The following DOCK2 variants were observed in gnomAD, a reference collection of about 807,000 sequenced individuals.
DOCK2 encodes the protein dedicator of cytokinesis 2.
DOCK2 carries 87 observed loss-of-function variants against 248.9 expected under a neutral mutation model. The observed-to-expected ratio is 0.35, with a 90% CI of 0.29 to 0.42. The LOEUF (loss-of-function observed/expected upper bound fraction) is 0.42, where lower values mean the gene tolerates loss of function less well. DOCK2 is among the 10% of genes least tolerant of loss of function. DOCK2 has a pLI of 1.00. For missense variants in DOCK2, 1,747 were observed against 2,300.2 expected, an observed-to-expected ratio of 0.76 and a Z score of 4.92; for synonymous variants, 805 against 821.6, an observed-to-expected ratio of 0.98 and a Z score of 0.35.
At chr5:169,818,224 C>A (rs900451092) in intron 26 of DOCK2, among the ~76,000 whole-genome samples, 15 of 152,170 alleles carry the variant, frequency 9.9e-5, no homozygotes, top group Admixed American at 8.5e-4. Flanking sequence ...CTTCACCTTA[C>A]CTGACAATCA....
chr5:169,681,983 C>A, intron 7 of DOCK2, 104 bp downstream of exon 7: 1 of 1,489,162 alleles, frequency 6.7e-7, no homozygotes, highest in South Asian at 1.3e-5. Context: ...ATTCAAGGGG[C>A]ATCTGTCTAT....
intron 27 of DOCK2, among the ~76,000 whole-genome samples, chr5:169,952,418 T>C (rs1776699120): frequency 6.6e-6 from 1 of 152,052 alleles, no homozygotes; most frequent in Non-Finnish European, 1.5e-5. Flanking sequence ...GGCTCCCCTT[T>C]AAGTAAAGGA....
intron 7 of DOCK2, among the ~76,000 whole-genome samples, chr5:169,683,253 G>T (rs1266262762): frequency 1.3e-5 from 2 of 151,906 alleles, no homozygotes; most frequent in Non-Finnish European, 2.9e-5. Flanking sequence ...TTTGAGACAG[G>T]GTCTCTCACT....
At chr5:169,981,218 A>G (rs184527674) in intron 27 of DOCK2, among the ~76,000 whole-genome samples, 144 of 152,366 alleles carry the variant, frequency 9.5e-4, no homozygotes, top group African/African-American at 3.2e-3. Flanking sequence ...ATGAAAATCC[A>G]TATCATGGGA....
At chr5:169,690,527 G>GAAT (rs1228360565) in intron 9 of DOCK2, among the ~76,000 whole-genome samples, 1 of 152,206 alleles carries the variant, frequency 6.6e-6, no homozygotes, top group Non-Finnish European at 1.5e-5. Context: ...CAGAGGCATG[G>GAAT]AATGGGATCA....
intron 47 of DOCK2, among the ~76,000 whole-genome samples, chr5:170,076,688 A>G (rs1407183342): frequency 6.6e-6 from 1 of 152,236 alleles, no homozygotes; most frequent in African/African-American, 2.4e-5. Context: ...CTTTAAAACC[A>G]TCTGGTCCAG....
In DOCK2 at chr5:170,027,948, T is replaced by C. The variant is rs778193399; in HGVS notation, c.3467T>C (p.Ile1156Thr). The change falls in exon 34 of 52, where the codon ATC becomes ACC. Residue 1156 changes from isoleucine to threonine, a missense_variant and splice_region_variant. Transcript: ENST00000520908. ...DEQYMQLLES[I>T]LMECAAEHPT... ...CAGTACATGCAGCTCCTGGAGTCAA[T>C]GTAAGTTCAGTGCCCTGTGTGTAGG... The C allele has an allele frequency of 1.9e-6, 3 of 1,611,732 alleles. No individual in the cohort carries two copies. The highest frequency in any genetic ancestry group is 1.7e-4 in the Middle Eastern group (1 of 6,042).
rs768442577 is a variant in DOCK2, at chr5:169,654,503, C to T, written c.127+17C>T. On this transcript the variant is annotated intron_variant, in intron 2 of 51. Coordinates refer to ENST00000520908, the MANE Select transcript of DOCK2 (RefSeq NM_004946.3). ...CGTGTGGAGGTGAGTCACTGGCCCA[C>T]GCCCCAAGTGCTGGACCCTTGGCTG... The T allele has an allele frequency of 2.4e-5, 38 of 1,613,838 alleles. No individual in the cohort carries two copies. Among genetic ancestry groups the T allele is most frequent in the South Asian group, 2.3e-4 (21 of 91,068 alleles).
At chr5:169,997,320 A>C (rs1369083992) in intron 30 of DOCK2, among the ~76,000 whole-genome samples, 1 of 138,488 alleles carries the variant, frequency 7.2e-6, no homozygotes, top group Non-Finnish European at 1.5e-5. Flanking sequence ...ATACCGAGAC[A>C]TTCCATTGCC....
chr5:169,859,695 C>T (rs72841200), intron 27 of DOCK2, among the ~76,000 whole-genome samples: 14,410 of 152,234 alleles, frequency 0.095, 827 homozygotes, highest in Admixed American at 0.17. Flanking sequence ...ACCCACCAAC[C>T]ACATTGCTCC....
intron 15 of DOCK2, among the ~76,000 whole-genome samples, chr5:169,710,274 G>A (rs967196473): frequency 1.3e-5 from 2 of 152,172 alleles, no homozygotes; most frequent in Non-Finnish European, 2.9e-5. Flanking sequence ...CCAGGTGGGT[G>A]AGCACCCTGG....
chr5:170,036,449 C>A, intron 35 of DOCK2, 66 bp from the exon 36 acceptor site: 2 of 1,527,286 alleles, frequency 1.3e-6, no homozygotes, highest in South Asian at 1.2e-5. Flanking sequence ...TCTTCATCAC[C>A]ACACCCTTGA....
At chr5:169,981,861 A>G (rs1247020100) in intron 27 of DOCK2, among the ~76,000 whole-genome samples, 2 of 152,226 alleles carry the variant, frequency 1.3e-5, no homozygotes, top group Non-Finnish European at 2.9e-5. Context: ...ATAGACTACA[A>G]TAGAGTGTTA....
intron 27 of DOCK2, chr5:169,884,063 G>T: frequency 1.9e-6 from 1 of 529,638 alleles, no homozygotes; most frequent in Non-Finnish European, 3.2e-6. Flanking sequence ...GCCATTCCCA[G>T]CCTCTAGAGT....
At chr5:169,725,365 A>G (rs545774635) in intron 22 of DOCK2, among the ~76,000 whole-genome samples, 2 of 152,334 alleles carry the variant, frequency 1.3e-5, no homozygotes, top group Non-Finnish European at 2.9e-5. Flanking sequence ...TTGCTGCAGT[A>G]CTCAGGGAAA....
chr5:169,945,705 C>G (rs920018137), intron 27 of DOCK2, among the ~76,000 whole-genome samples: 1 of 152,132 alleles, frequency 6.6e-6, no homozygotes, highest in African/African-American at 2.4e-5. Context: ...GTGCTCCTCC[C>G]GCTTAAAAAT....
chr5:169,911,918 G>A (rs529706869), intron 27 of DOCK2, among the ~76,000 whole-genome samples: 1 of 152,326 alleles, frequency 6.6e-6, no homozygotes, highest in East Asian at 1.9e-4. Flanking sequence ...GTCTCATGGG[G>A]CTATTAAATA....
intron 29 of DOCK2, among the ~76,000 whole-genome samples, chr5:169,986,306 A>T (rs917452354): frequency 1.3e-5 from 2 of 152,224 alleles, no homozygotes; most frequent in Non-Finnish European, 2.9e-5. Flanking sequence ...ATTTGAACAG[A>T]TTTCCATGCT....
chr5:169,738,516 G>A (rs1352483733), intron 22 of DOCK2, among the ~76,000 whole-genome samples: 3 of 152,132 alleles, frequency 2.0e-5, no homozygotes, highest in African/African-American at 7.2e-5. Flanking sequence ...GCACCAGTGG[G>A]GCCTTTAGGC....
Sources: allele counts gnomAD v4.1 joint callset (sites outside exome capture counted in the v4.1 genomes callset), GRCh38; gene constraint gnomAD v4.1.1; transcripts MANE v1.5; gene names NCBI Gene and HGNC (gene_info 2026-07-23, HGNC 2026-07-21).